HGSNAT: variants seen among roughly 807,000 people sequenced by gnomAD.
HGSNAT encodes heparan-alpha-glucosaminide N-acetyltransferase.
Under a neutral mutation model 85.2 loss-of-function variants are expected in HGSNAT, and 59 were observed. The ratio of observed to expected loss-of-function variants is 0.69; its 90% CI spans 0.56 to 0.86. The LOEUF (loss-of-function observed/expected upper bound fraction) is 0.86, where lower values mean the gene tolerates loss of function less well. Among genes scored for constraint, HGSNAT ranks in the 40% least tolerant of loss-of-function variants. HGSNAT has a pLI of 0.00. For missense variants in HGSNAT, 756 were observed against 777.1 expected (o/e 0.97, Z 0.32); for synonymous variants, 321 against 304.5 (o/e 1.05, Z -0.56).
chr8:43,141,692 A>G (rs1586692285), intron 1 of HGSNAT, among the ~76,000 whole-genome samples: 1 of 151,974 alleles, frequency 6.6e-6, no homozygotes, highest in Non-Finnish European at 1.5e-5. Flanking sequence ...AAGCTGGAGG[A>G]GAAAGGCGTT....
chr8:43,181,852 C>G, intron 10 of HGSNAT: 1 of 398,738 alleles, frequency 2.5e-6, no homozygotes. Context: ...ATCCCCACAC[C>G]TGAGTAAGAC....
rs2130647943 is a variant in HGSNAT at position 43,140,542 on chromosome 8, T to C, written c.46T>C (p.Ser16Pro). 3 of 1,160,452 alleles carry C rather than the reference T, an allele frequency of 2.6e-6. No individual in the cohort carries two copies. The highest frequency in any genetic ancestry group is 7.2e-4 in the Middle Eastern group (2 of 2,778). The allele number at this position is 1,160,452 out of a possible 1,614,324, so 71.9% of individuals were successfully genotyped here. ...GCTGGCCGCGCTGCTGCTGGCCGCG[T>C]CCGTGCTGAGCGCCGCGCTGCTGGC... Reference protein sequence around the residue: ...RALAALLLAASVLSAALLAPG... With the variant: ...RALAALLLAAPVLSAALLAPG... Residue 16 changes from serine (S) to proline (P), a missense_variant, in exon 1 of 18, where the codon TCC (serine) becomes CCC (proline). Transcript: ENST00000379644.
At chr8:43,185,090 T>C (rs1167159768) in intron 11 of HGSNAT, among the ~76,000 whole-genome samples, 1 of 152,240 alleles carries the variant, frequency 6.6e-6, no homozygotes, top group Non-Finnish European at 1.5e-5. Flanking sequence ...AGCTTTGTTC[T>C]TGTGGCTTAG....
Position 43,201,876 on chromosome 8 carries a change from G to A in HGSNAT, c.*2307G>A, listed in dbSNP as rs1332517161. 1.3e-5 allele frequency: 2 copies of A among 152,222 alleles called. No individual in the cohort carries two copies. Among genetic ancestry groups the A allele is most frequent in the Non-Finnish European group, 1.5e-5 (1 of 68,038 alleles). The allele number at this position is 152,222 out of a possible 1,614,324, so 9.4% of individuals were successfully genotyped here. ...ATTTAAGTGCTGGTAAGATGAGCAT[G>A]TATCCGGGGTGCCCATGAAATGTTC... On this transcript the variant is annotated 3_prime_UTR_variant, in exon 18 of 18. Transcript: ENST00000379644. This position sits in a 1 kb window ranked among gnomAD's most constrained non-coding sequence, Gnocchi z 4.4.
At chr8:43,164,329 T>C (rs1479402001) in intron 5 of HGSNAT, among the ~76,000 whole-genome samples, 3 of 152,174 alleles carry the variant, frequency 2.0e-5, no homozygotes, top group East Asian at 1.9e-4. Context: ...AGATATTGCA[T>C]GTTTTACAAA....
At chr8:43,140,758 C>G (rs1003905984) in intron 1 of HGSNAT, 144 bp downstream of exon 1, 2 of 271,834 alleles carry the variant, frequency 7.4e-6, no homozygotes, top group Non-Finnish European at 1.3e-5. Flanking sequence ...GCTGCGACTT[C>G]GCGGTCCCGC....
At position 43,140,598 on chromosome 8, in the gene HGSNAT, G is replaced by A. The variant is rs746655557; in HGVS notation, c.102G>A (p.Gln34=). The A allele has an allele frequency of 8.1e-7, 1 of 1,237,752 alleles. No homozygotes were observed. The highest frequency in any genetic ancestry group is 1.0e-6 in the Non-Finnish European group (1 of 982,380). 76.7% of individuals were successfully genotyped at this position (1,237,752 alleles called of 1,614,324 possible). Residue 34 remains glutamine (Q), a synonymous_variant, in exon 1 of 18, where the codon CAG becomes CAA. Coordinates refer to ENST00000379644, the MANE Select transcript of HGSNAT (RefSeq NM_152419.3). ...APGGSSGRDA[Q]AAPPRDLDKK... is the part of the protein sequence containing the mutation. ...GCGGCTCTTCGGGGCGCGATGCCCA[G>A]GCCGCGCCGCCACGAGGTGAGTGCA...
At chr8:43,189,690 C>T (rs951910211) in intron 11 of HGSNAT, among the ~76,000 whole-genome samples, 5 of 152,202 alleles carry the variant, frequency 3.3e-5, no homozygotes, top group African/African-American at 4.8e-5. Context: ...TCTTCTGCGT[C>T]GCTCACACTG....
Position 43,170,702 on chromosome 8 carries a change from G to A in HGSNAT, c.743+8G>A. The A allele has an allele frequency of 6.4e-7, 1 of 1,574,366 alleles. No homozygotes were observed. Among genetic ancestry groups the A allele is most frequent in the Non-Finnish European group, 8.6e-7 (1 of 1,156,300 alleles). ...CGTGGACACCTTCAGGGGGTATGTGGGCCTCCCTGTAGCACAGTGGGTGCA... is the reference window on the plus strand; with the variant it reads ...CGTGGACACCTTCAGGGGGTATGTGAGCCTCCCTGTAGCACAGTGGGTGCA... On this transcript the variant is annotated splice_region_variant and intron_variant, in intron 7 of 17. Transcript: ENST00000379644.
chr8:43,141,651 G>A (rs1471549729), intron 1 of HGSNAT, among the ~76,000 whole-genome samples: 10 of 152,012 alleles, frequency 6.6e-5, no homozygotes, highest in Non-Finnish European at 1.5e-5. Context: ...GTCTGTGTAT[G>A]GAGTTCAAAC....
intron 2 of HGSNAT, among the ~76,000 whole-genome samples, chr8:43,149,487 A>G (rs1802826169): frequency 6.6e-6 from 1 of 152,136 alleles, no homozygotes; most frequent in African/African-American, 2.4e-5. Flanking sequence ...TCACGAAGTC[A>G]GGAGATCGAG....
intron 14 of HGSNAT, 43 bp downstream of exon 14, chr8:43,193,886 G>A: frequency 6.2e-7 from 1 of 1,603,520 alleles, no homozygotes; most frequent in Non-Finnish European, 8.5e-7. Context: ...GACAATTTAT[G>A]ATATTTTATT....
At chr8:43,176,010 G>A (rs1031742211) in intron 9 of HGSNAT, among the ~76,000 whole-genome samples, 1 of 152,144 alleles carries the variant, frequency 6.6e-6, no homozygotes, top group East Asian at 1.9e-4. Flanking sequence ...TCTTCACTTT[G>A]TTAATTATCT....
At chr8:43,179,202 C>T (rs1803933430) in intron 10 of HGSNAT, among the ~76,000 whole-genome samples, 1 of 151,070 alleles carries the variant, frequency 6.6e-6, no homozygotes, top group African/African-American at 2.4e-5. Context: ...GCAGAAGCGC[C>T]CCTCACCTCC....
Position 43,182,149 on chromosome 8 carries a change from T to C in HGSNAT, c.1017T>C (p.Ser339=), listed in dbSNP as rs764809881. ...VNPNYCLGPL[S]WDKVRIPGVL... is the part of the protein sequence containing the mutation. ...CCTAACTTGTGTCTTTTGCAGTGTC[T>C]TGGGACAAGGTGCGCATTCCTGGTG... Residue 339 remains serine (S), a synonymous_variant, in exon 11 of 18, where the codon TCT becomes TCC. Transcript: ENST00000379644. The C allele has an allele frequency of 5.0e-6, 8 of 1,613,528 alleles. No homozygotes were observed. Among genetic ancestry groups the C allele is most frequent in the Non-Finnish European group, 6.8e-6 (8 of 1,179,548 alleles).
At chr8:43,190,717 CTTATT>C (rs1242498781) in intron 11 of HGSNAT, among the ~76,000 whole-genome samples, 1 of 152,146 alleles carries the variant, frequency 6.6e-6, no homozygotes, top group Non-Finnish European at 1.5e-5. Context: ...CGTTAGTTTA[CTTATT>C]TTATTTTTAA....
intron 2 of HGSNAT, among the ~76,000 whole-genome samples, chr8:43,150,829 G>A (rs906261519): frequency 1.3e-4 from 15 of 116,768 alleles, no homozygotes; most frequent in African/African-American, 3.9e-4. Flanking sequence ...GCGAGACTCC[G>A]TTTCAAAATA....
intron 11 of HGSNAT, among the ~76,000 whole-genome samples, chr8:43,185,944 T>C (rs1002981753): frequency 6.6e-6 from 1 of 152,246 alleles, no homozygotes; most frequent in Non-Finnish European, 1.5e-5. Flanking sequence ...TTACATTTAT[T>C]GATTTGCATA....
chr8:43,170,625 A>T lies in HGSNAT; in HGVS notation c.674A>T (p.Asp225Val), dbSNP rs1172793174. Reference protein sequence around the residue: ...SPSRTDPLDGDVQPATWRLSA... With the variant: ...SPSRTDPLDGVVQPATWRLSA... ...AGCAGGACAGACCCTCTCGATGGTG[A>T]TGTTCAGCCAGCAACGTGGCGTCTA... Residue 225 changes from aspartate to valine, a missense_variant, in exon 7 of 18, where the codon GAT becomes GTT. Transcript: ENST00000379644. 3.1e-6 allele frequency: 5 copies of T among 1,610,386 alleles called. No individual in the cohort carries two copies. Among genetic ancestry groups the T allele is most frequent in the South Asian group, 1.1e-5 (1 of 89,960 alleles).
Sources: allele counts gnomAD v4.1 joint callset (sites outside exome capture counted in the v4.1 genomes callset), GRCh38; gene constraint gnomAD v4.1.1; non-coding constraint Gnocchi (gnomAD v3.1); transcripts MANE v1.5; gene names NCBI Gene and HGNC (gene_info 2026-07-23, HGNC 2026-07-21).